Variants in MEAK7 observed in about 807,000 individuals in gnomAD.
The protein encoded by MEAK7 is MTOR associated protein MEAK7.
MEAK7 carries 68 observed loss-of-function variants against 40.5 expected under a neutral mutation model. The observed-to-expected ratio is 1.68, with a 90% CI of 1.38 to 2.06. The LOEUF (loss-of-function observed/expected upper bound fraction) is 2.06. MEAK7 is among the 30% of genes most tolerant of loss of function. The pLI is 0.00. For synonymous variants in MEAK7, 338 were observed against 231.9 expected (o/e 1.46, Z -4.16); for missense variants, 918 against 580.5 (o/e 1.58, Z -5.98).
intron 7 of MEAK7, 74 bp downstream of exon 7, chr16:84,480,455 T>C (rs2288574): frequency 0.059 from 86,633 of 1,474,512 alleles, 3,863 homozygotes; most frequent in East Asian, 0.27. Context: ...AGTAAAGGGG[T>C]AATGGTAAGA....
chr16:84,480,803 G>A (rs1912471834), intron 6 of MEAK7, 95 bp from the exon 7 acceptor site: 1 of 1,382,548 alleles, frequency 7.2e-7, no homozygotes, highest in East Asian at 2.6e-5. Flanking sequence ...TTAAGTACCA[G>A]CCTGAGACAG....
chr16:84,486,640 G>C lies in MEAK7; in HGVS notation c.949C>G (p.Gln317Glu), dbSNP rs976254269. 1.9e-6 allele frequency: 3 copies of C among 1,604,866 alleles called. No individual in the cohort carries two copies. Among genetic ancestry groups the C allele is most frequent in the Non-Finnish European group, 1.7e-6 (2 of 1,175,694 alleles). ...FASCSWEVKP[Q>E]FQGDNRCFLF... Reference sequence around the variant, plus strand: ...GGACACCAAGTCTTACCTTGAAACTGAGGCTTCACCTCCCAAGAGCAAGAG... The same window carrying C: ...GGACACCAAGTCTTACCTTGAAACTCAGGCTTCACCTCCCAAGAGCAAGAG... The change falls in exon 5 of 8, where the codon CAG (glutamine) becomes GAG (glutamate). Residue 317 changes from glutamine (Q) to glutamate (E), a missense_variant. Gln to Glu is a conservative substitution (Grantham distance 29). Transcript: ENST00000343629.
At chr16:84,504,537 C>T in intron 1 of MEAK7, 64 bp downstream of exon 1, 2 of 955,842 alleles carry the variant, frequency 2.1e-6, no homozygotes, top group Non-Finnish European at 2.5e-6. Context: ...TGCTCCAGTC[C>T]CCCGACTCAG....
chr16:84,489,268 G>C lies in MEAK7; in HGVS notation c.529+10C>G. 1 of 1,613,400 alleles carries C rather than the reference G, an allele frequency of 6.2e-7. No individual in the cohort carries two copies. Among genetic ancestry groups the C allele is most frequent in the Non-Finnish European group, 8.5e-7 (1 of 1,179,624 alleles). Reference sequence around the variant, plus strand: ...AAAAGACCTGCATCACCGCGTCCACGCACACTTGCCTTGCAGCTTCATGTC... The same window carrying C: ...AAAAGACCTGCATCACCGCGTCCACCCACACTTGCCTTGCAGCTTCATGTC... On this transcript the variant is annotated intron_variant, in intron 4 of 7. Transcript: ENST00000343629.
In MEAK7 at chr16:84,480,002, C is replaced by A. The variant is rs1243673216; in HGVS notation, c.1282G>T (p.Asp428Tyr). ...QLAKGNKSIL[D>Y]ADPEAQALLE... ...AGGGCCTGGGCCTCAGGGTCCGCAT[C>A]CAGGATGCTCTTGTTGCCCTTGGCC... The change falls in exon 8 of 8, where the codon GAT becomes TAT. Residue 428 changes from aspartate to tyrosine, a missense_variant. Physicochemically the swap from Asp to Tyr is radical, Grantham distance 160. Coordinates refer to ENST00000343629, the MANE Select transcript of MEAK7 (RefSeq NM_020947.4). The A allele has an allele frequency of 1.9e-6, 3 of 1,606,734 alleles. No individual in the cohort carries two copies. Among genetic ancestry groups the A allele is most frequent in the East Asian group, 4.5e-5 (2 of 44,518 alleles).
At chr16:84,486,543 C>T in intron 5 of MEAK7, 88 bp downstream of exon 5, 1 of 1,499,768 alleles carries the variant, frequency 6.7e-7, no homozygotes, top group Non-Finnish European at 8.9e-7. Context: ...ATGGGAGAGC[C>T]CTATTTAGCA....
intron 1 of MEAK7, among the ~76,000 whole-genome samples, chr16:84,502,086 A>G (rs1250502786): frequency 2.8e-4 from 43 of 151,978 alleles, no homozygotes; most frequent in Admixed American, 2.8e-3. Context: ...GGAGGTTGCA[A>G]TGAGCCAAGA....
At chr16:84,504,284 C>T in intron 1 of MEAK7, 1 of 458,094 alleles carries the variant, frequency 2.2e-6, no homozygotes, top group African/African-American at 2.1e-5. Context: ...TCTGAATCCC[C>T]CTTCAACACG....
intron 5 of MEAK7, 98 bp from the exon 6 acceptor site, chr16:84,482,808 G>A: frequency 6.5e-7 from 1 of 1,533,888 alleles, no homozygotes; most frequent in Non-Finnish European, 8.8e-7. Context: ...AAGCAACAGG[G>A]CCAAGACCCT....
intron 2 of MEAK7, chr16:84,497,709 C>T (rs936456619): frequency 4.9e-6 from 7 of 1,421,678 alleles, no homozygotes; most frequent in Non-Finnish European, 6.7e-6. Flanking sequence ...TAGACACTGT[C>T]TATGGCTATT....
intron 5 of MEAK7, among the ~76,000 whole-genome samples, chr16:84,484,312 T>G (rs1028348635): frequency 2.0e-5 from 3 of 152,194 alleles, no homozygotes; most frequent in African/African-American, 7.2e-5. Flanking sequence ...CTTATCTCAT[T>G]CCCATAAAAC....
chr16:84,499,415 G>C (rs987164113), intron 1 of MEAK7, among the ~76,000 whole-genome samples: 2 of 152,142 alleles, frequency 1.3e-5, no homozygotes, highest in Non-Finnish European at 2.9e-5. Flanking sequence ...TTAGCCAAGG[G>C]GGAAAGGCCA....
At chr16:84,483,146 G>C (rs1414331170) in intron 5 of MEAK7, among the ~76,000 whole-genome samples, 29 of 152,216 alleles carry the variant, frequency 1.9e-4, no homozygotes. Flanking sequence ...CGGCCTGAAA[G>C]AACGTACCAT....
In MEAK7 at chr16:84,482,847, C is replaced by G. The variant is rs1018552273; in HGVS notation, c.959-137G>C. ...CACCCATGTCCAGGTGTCGGCAGAT[C>G]AGGGTTTGGGACAAGCTGCTAGGGA... On this transcript the variant is annotated intron_variant, in intron 5 of 7. Coordinates refer to ENST00000343629, the MANE Select transcript of MEAK7 (RefSeq NM_020947.4). 13 of 1,377,638 alleles carry G rather than the reference C, an allele frequency of 9.4e-6. No homozygotes were observed. The Admixed American group carries it at 2.8e-4, about 30-fold the overall frequency. The allele number at this position is 1,377,638 out of a possible 1,614,324, so 85.3% of individuals were successfully genotyped here. A position where few individuals can be genotyped will look rare whatever the true frequency, so the allele number is the denominator to read the frequency against.
chr16:84,488,490 T>C (rs1361088298), intron 4 of MEAK7: 5 of 152,298 alleles, frequency 3.3e-5, no homozygotes, highest in Admixed American at 2.0e-4. Context: ...AGAATACACA[T>C]TCTTCTCAAA....
intron 1 of MEAK7, among the ~76,000 whole-genome samples, chr16:84,500,247 G>T (rs183830488): frequency 2.6e-5 from 4 of 152,120 alleles, no homozygotes; most frequent in Non-Finnish European, 5.9e-5. Context: ...CCACCTTCCG[G>T]CTATCATGAA....
intron 4 of MEAK7, 98 bp from the exon 5 acceptor site, chr16:84,487,157 T>A (rs1336044301): frequency 3.2e-6 from 4 of 1,240,222 alleles, no homozygotes; most frequent in Non-Finnish European, 4.4e-6. Flanking sequence ...ACGAGTCACA[T>A]GCAATTACTG....
At chr16:84,482,242 G>C (rs992987704) in intron 6 of MEAK7, among the ~76,000 whole-genome samples, 2 of 152,182 alleles carry the variant, frequency 1.3e-5, no homozygotes, top group Non-Finnish European at 2.9e-5. Context: ...GCACTCCCAC[G>C]TATGAGGCAG....
intron 3 of MEAK7, 119 bp from the exon 4 acceptor site, chr16:84,489,541 G>A (rs1913389958): frequency 1.7e-6 from 2 of 1,186,056 alleles, no homozygotes; most frequent in Non-Finnish European, 2.3e-6. Flanking sequence ...ACAATGTGGG[G>A]AAAGGTCATG....
Sources: allele counts gnomAD v4.1 joint callset (sites outside exome capture counted in the v4.1 genomes callset), GRCh38; gene constraint gnomAD v4.1.1; transcripts MANE v1.5; gene names NCBI Gene and HGNC (gene_info 2026-07-23, HGNC 2026-07-21).